The following TANGO6 variants were observed in gnomAD, a reference collection of about 807,000 sequenced individuals.
The protein encoded by TANGO6 is transport and Golgi organization protein 6 homolog.
A neutral mutation model predicts 114.2 loss-of-function variants in TANGO6; 90 were observed. The ratio of observed to expected loss-of-function variants is 0.79; its 90% CI spans 0.66 to 0.94. The LOEUF is 0.94. Among genes scored for constraint, TANGO6 ranks in the 40% least tolerant of loss-of-function variants. TANGO6 has a pLI of 0.00. For synonymous variants in TANGO6, 477 were observed against 509.8 expected (o/e 0.94, Z 0.87); for missense variants, 1,274 against 1,315.3 (o/e 0.97, Z 0.49).
intron 3 of TANGO6, among the ~76,000 whole-genome samples, chr16:68,866,034 T>C (rs1233066458): frequency 6.6e-6 from 1 of 152,224 alleles, no homozygotes; most frequent in Non-Finnish European, 1.5e-5. Context: ...ACCCTCTTAG[T>C]GGCAAATAAC....
intron 17 of TANGO6, among the ~76,000 whole-genome samples, chr16:69,044,172 C>A (rs886485856): frequency 6.6e-6 from 1 of 152,178 alleles, no homozygotes; most frequent in African/African-American, 2.4e-5. Flanking sequence ...TCAAGCAATT[C>A]TCATGCTTCG....
intron 17 of TANGO6, among the ~76,000 whole-genome samples, chr16:69,073,518 AC>A (rs752838203): frequency 6.6e-6 from 1 of 152,220 alleles, no homozygotes; most frequent in African/African-American, 2.4e-5. Flanking sequence ...CCTGGGCATG[AC>A]AGAGGCCCAT....
chr16:69,015,939 A>G (rs1959289108), intron 15 of TANGO6, among the ~76,000 whole-genome samples: 1 of 152,110 alleles, frequency 6.6e-6, no homozygotes, highest in Admixed American at 6.5e-5. Context: ...ATTGAATATA[A>G]AGCTTCTATT....
intron 17 of TANGO6, among the ~76,000 whole-genome samples, chr16:69,052,652 G>A (rs1959970264): frequency 6.6e-6 from 1 of 152,100 alleles, no homozygotes; most frequent in South Asian, 2.1e-4. Context: ...ACTGGCCTAT[G>A]TGGGAGGTAT....
chr16:68,992,934 TG>T (rs1963958570), intron 15 of TANGO6, among the ~76,000 whole-genome samples: 1 of 152,096 alleles, frequency 6.6e-6, no homozygotes, highest in Non-Finnish European at 1.5e-5. Flanking sequence ...CTGGGCGTGG[TG>T]GCTCGCGCCT....
intron 15 of TANGO6, among the ~76,000 whole-genome samples, chr16:69,019,989 G>A (rs990657301): frequency 3.9e-5 from 6 of 152,178 alleles, no homozygotes; most frequent in Admixed American, 2.6e-4. Flanking sequence ...GTACAGTCAT[G>A]TGTTGCTTAA....
intron 15 of TANGO6, among the ~76,000 whole-genome samples, chr16:68,979,573 A>C (rs1047277551): frequency 2.6e-5 from 4 of 152,112 alleles, no homozygotes; most frequent in Non-Finnish European, 5.9e-5. Context: ...TGTCTTCCAG[A>C]GAAGTTGTGC....
chr16:68,903,627 A>G (rs1962812681), intron 9 of TANGO6, among the ~76,000 whole-genome samples: 1 of 150,554 alleles, frequency 6.6e-6, no homozygotes, highest in African/African-American at 2.4e-5. Context: ...AAAAAAAAAA[A>G]AAAAAAAAGA....
intron 4 of TANGO6, 78 bp from the exon 5 acceptor site, chr16:68,875,076 T>C (rs767110953): frequency 6.8e-6 from 10 of 1,474,180 alleles, no homozygotes; most frequent in Admixed American, 2.1e-5. Context: ...TTACCTTAAA[T>C]TTTAAGACAA....
intron 7 of TANGO6, among the ~76,000 whole-genome samples, chr16:68,881,786 A>G (rs1962465575): frequency 6.6e-6 from 1 of 152,204 alleles, no homozygotes; most frequent in African/African-American, 2.4e-5. Context: ...TATGTGGTAT[A>G]TGCTTTTGGA....
intron 14 of TANGO6, among the ~76,000 whole-genome samples, chr16:68,930,724 C>T (rs1235406407): frequency 6.6e-6 from 1 of 151,538 alleles, no homozygotes; most frequent in East Asian, 1.9e-4. Context: ...CAACCTCTGC[C>T]TCCCGGGTTC....
At chr16:69,036,553 C>T (rs1000395825) in intron 16 of TANGO6, among the ~76,000 whole-genome samples, 1 of 152,000 alleles carries the variant, frequency 6.6e-6, no homozygotes, top group Non-Finnish European at 1.5e-5. Context: ...TGGAGTCTGG[C>T]GCATAAGTCA....
chr16:68,880,835 A>G (rs927614664), intron 7 of TANGO6, among the ~76,000 whole-genome samples: 1 of 151,654 alleles, frequency 6.6e-6, no homozygotes, highest in Non-Finnish European at 1.5e-5. Flanking sequence ...TTTTAAAATA[A>G]TTTTACCTTT....
At chr16:68,869,615 A>G (rs1027252868) in intron 4 of TANGO6, among the ~76,000 whole-genome samples, 3 of 152,124 alleles carry the variant, frequency 2.0e-5, no homozygotes, top group Non-Finnish European at 4.4e-5. Context: ...GATCCCCTTC[A>G]CTTTTATCCT....
intron 17 of TANGO6, among the ~76,000 whole-genome samples, chr16:69,064,202 T>C (rs1251108449): frequency 1.3e-5 from 2 of 152,166 alleles, no homozygotes; most frequent in Non-Finnish European, 2.9e-5. Flanking sequence ...GCCATGCGTA[T>C]ATTAGCACAT....
chr16:68,871,689 G>C (rs1173547189), intron 4 of TANGO6, among the ~76,000 whole-genome samples: 1 of 152,004 alleles, frequency 6.6e-6, no homozygotes, highest in East Asian at 1.9e-4. Flanking sequence ...GCATGATCTT[G>C]GTTCACTGCA....
chr16:68,903,689 A>G (rs1248731572), intron 9 of TANGO6, among the ~76,000 whole-genome samples: 1 of 150,812 alleles, frequency 6.6e-6, no homozygotes, highest in East Asian at 1.9e-4. Context: ...TGGGAGGCCG[A>G]GGTGGGTAGA....
chr16:69,080,191 T>C (rs1312585651), intron 17 of TANGO6, among the ~76,000 whole-genome samples: 10 of 152,200 alleles, frequency 6.6e-5, no homozygotes, highest in Admixed American at 2.0e-4. Flanking sequence ...TATTTCCATA[T>C]GTGCCAATTA....
rs1011954641 is a variant in TANGO6 at position 68,879,981 on chromosome 16, AT to A, written c.1295-558del. Among the ~76,000 whole-genome samples the A allele has an allele frequency of 2.1e-5, 3 of 140,444 alleles. No homozygotes were observed. The South Asian group carries it at 6.9e-4, about 32-fold the overall frequency. The allele number at this position is 140,444 out of a possible 152,430, so 92.1% of individuals were successfully genotyped here. The stretch of plus-strand genomic sequence containing the variant: ...TCAATTAAGTTTAAAATGAAAAAAA[AT>A]TTTTTTTTGAGACAGAGTCTCACTC... On this transcript the variant is annotated intron_variant, in intron 6 of 17. Coordinates refer to ENST00000261778, the MANE Select transcript of TANGO6 (RefSeq NM_024562.2).
Sources: allele counts gnomAD v4.1 joint callset (sites outside exome capture counted in the v4.1 genomes callset), GRCh38; gene constraint gnomAD v4.1.1; transcripts MANE v1.5; gene names NCBI Gene and HGNC (gene_info 2026-07-23, HGNC 2026-07-21).